Variants in ANK2 observed in about 807,000 individuals in gnomAD.
ANK2 encodes ankyrin 2, also known as ankyrin-2.
In ANK2, 83 loss-of-function variants were observed where a neutral mutation model predicts 360.5. That is an observed-to-expected ratio of 0.23 (90% CI 0.19 to 0.28). The LOEUF (loss-of-function observed/expected upper bound fraction) is 0.28, where lower values mean the gene tolerates loss of function less well. ANK2 is among the 10% of genes least tolerant of loss of function. The probability of loss-of-function intolerance (pLI) is 1.00; values close to 1 mark genes in which losing one functional copy is unlikely to be tolerated. For synonymous variants in ANK2, 1,740 were observed against 1,759.5 expected, an observed-to-expected ratio of 0.99 and a Z score of 0.28; for missense variants, 4,201 against 4,795.7, an observed-to-expected ratio of 0.88 and a Z score of 3.66.
At chr4:112,924,536 C>T (rs1303113638) in intron 2 of ANK2, among the ~76,000 whole-genome samples, 1 of 151,762 alleles carries the variant, frequency 6.6e-6, no homozygotes, top group Non-Finnish European at 1.5e-5. Flanking sequence ...ATTTAGAAAA[C>T]AATAAAATAT....
intron 1 of ANK2, among the ~76,000 whole-genome samples, chr4:112,837,868 C>T (rs1215118855): frequency 1.3e-5 from 2 of 152,220 alleles, no homozygotes; most frequent in African/African-American, 4.8e-5. Context: ...TTTACAGGCT[C>T]ATAGGCAGAA....
intron 2 of ANK2, among the ~76,000 whole-genome samples, chr4:113,175,500 CCT>C (rs1331269941): frequency 6.6e-6 from 1 of 152,170 alleles, no homozygotes; most frequent in Non-Finnish European, 1.5e-5. Flanking sequence ...GCCCAGCACT[CCT>C]CTCTTTGTTC....
intron 2 of ANK2, among the ~76,000 whole-genome samples, chr4:113,188,988 A>G (rs928810888): frequency 6.6e-6 from 1 of 152,174 alleles, no homozygotes; most frequent in Non-Finnish European, 1.5e-5. Context: ...ATTGAAGTGC[A>G]CCTTTTTTGT....
At chr4:113,252,784 A>G in intron 10 of ANK2, among the ~76,000 whole-genome samples, 1 of 152,152 alleles carries the variant, frequency 6.6e-6, no homozygotes, top group Non-Finnish European at 1.5e-5. Context: ...TACTACCTGC[A>G]TTTCACTCAA....
At chr4:112,797,097 A>G in the ANK2 span, 1 of 204,834 alleles carries the variant, frequency 4.9e-6, no homozygotes, top group South Asian at 9.9e-5. Flanking sequence ...TCTGATCCCA[A>G]CGAATTAAAT....
At chr4:112,811,476 T>C in the ANK2 span, among the ~76,000 whole-genome samples, 2 of 152,204 alleles carry the variant, frequency 1.3e-5, no homozygotes, top group Non-Finnish European at 2.9e-5. Flanking sequence ...TGTGTTACTT[T>C]TTATGATATT....
intron 20 of ANK2, among the ~76,000 whole-genome samples, chr4:113,290,692 T>G (rs986558156): frequency 6.6e-6 from 1 of 152,308 alleles, no homozygotes; most frequent in East Asian, 1.9e-4. Context: ...ATTGCTAAAA[T>G]TTTGAAAGCT....
Position 113,274,580 on chromosome 4 carries a change from C to T in ANK2, c.1614C>T (p.Ala538=), listed in dbSNP as rs2153688749. The T allele has an allele frequency of 5.0e-6, 8 of 1,614,186 alleles. No homozygotes were observed. The highest frequency in any genetic ancestry group is 6.8e-6 in the Non-Finnish European group (8 of 1,180,036). The stretch of plus-strand genomic sequence containing the variant: ...GGTACACACCACTGCACATCTCTGC[C>T]CGGGAGGGCCAGGTGGATGTGGCAT... ...TNGYTPLHIS[A]REGQVDVASV... The change falls in exon 15 of 46, where the codon GCC becomes GCT. Residue 538 remains alanine (A), a synonymous_variant. Coordinates refer to ENST00000357077, the MANE Select transcript of ANK2 (RefSeq NM_001148.6).
intron 2 of ANK2, among the ~76,000 whole-genome samples, chr4:113,001,261 G>T (rs2050539739): frequency 6.7e-6 from 1 of 150,218 alleles, no homozygotes; most frequent in African/African-American, 2.5e-5. Flanking sequence ...AACCTGGGAG[G>T]CGGAGGTTGC....
At chr4:113,362,863 G>A (rs116745113) in intron 39 of ANK2, among the ~76,000 whole-genome samples, 2,559 of 152,164 alleles carry the variant, frequency 0.017, 64 homozygotes, top group African/African-American at 0.055. Flanking sequence ...TCAAAGAAAG[G>A]CATTTATCCA....
At chr4:112,817,073 A>T (rs1019981898), upstream of ANK2, among the ~76,000 whole-genome samples, 2 of 152,214 alleles carry the variant, frequency 1.3e-5, no homozygotes, top group Non-Finnish European at 2.9e-5. Flanking sequence ...TTTTAGAATT[A>T]CATCATTTCT....
chr4:113,095,836 T>C (rs2090805800), intron 1 of ANK2, among the ~76,000 whole-genome samples: 1 of 152,214 alleles, frequency 6.6e-6, no homozygotes, highest in Non-Finnish European at 1.5e-5. Flanking sequence ...ATGTTTATAG[T>C]AGTTAACTGC....
intron 1 of ANK2, among the ~76,000 whole-genome samples, chr4:113,136,995 T>C (rs1465007291): frequency 1.3e-5 from 2 of 152,034 alleles, no homozygotes; most frequent in Non-Finnish European, 2.9e-5. Flanking sequence ...TGACCTCAAG[T>C]GATCCACCCG....
chr4:112,886,330 G>T (rs909325809), intron 1 of ANK2, among the ~76,000 whole-genome samples: 1 of 152,036 alleles, frequency 6.6e-6, no homozygotes, highest in Admixed American at 6.6e-5. Context: ...CACCAAAAAG[G>T]CCGCACTCCA....
intron 1 of ANK2, among the ~76,000 whole-genome samples, chr4:112,852,457 C>T (rs1191133127): frequency 1.3e-5 from 2 of 151,956 alleles, no homozygotes; most frequent in Non-Finnish European, 2.9e-5. Context: ...AATTCTTATA[C>T]ATTTTATGTC....
intron 23 of ANK2, among the ~76,000 whole-genome samples, chr4:113,310,991 C>A (rs976414727): frequency 6.6e-6 from 1 of 152,124 alleles, no homozygotes. Flanking sequence ...AAGTAAACAA[C>A]AAGGGATATC....
rs564648496 is a variant in ANK2 at position 113,350,231 on chromosome 4, G to A, written c.4408G>A (p.Asp1470Asn). 2.5e-6 allele frequency: 4 copies of A among 1,607,426 alleles called. No homozygotes were observed. Among genetic ancestry groups the A allele is most frequent in the East Asian group, 2.2e-5 (1 of 44,710 alleles). ...ATTTATGTATGTTTTCTTTCAGATC[G>A]ATATGACATCAGAAAAAAGTAAGAA... is the stretch of plus-strand genomic sequence containing the variant. The part of the protein sequence containing the change: ...ESDQEQEEEI[D>N]MTSEKNDETE... Residue 1470 changes from aspartate (D) to asparagine (N), a missense_variant, in exon 37 of 46, where the codon GAT (aspartate) becomes AAT (asparagine). Transcript: ENST00000357077.
intron 1 of ANK2, among the ~76,000 whole-genome samples, chr4:113,166,861 T>C (rs1017396514): frequency 1.1e-4 from 17 of 152,154 alleles, no homozygotes; most frequent in African/African-American, 3.9e-4. Flanking sequence ...TAATGCTATT[T>C]ATACAATATA....
At chr4:113,053,163 A>C (rs763292667) in intron 1 of ANK2, among the ~76,000 whole-genome samples, 13 of 152,186 alleles carry the variant, frequency 8.5e-5, no homozygotes, top group Non-Finnish European at 1.8e-4. Context: ...TATGTTCAAT[A>C]GGAGAACACT....
Sources: gnomAD v4.1 joint callset for allele counts (sites outside exome capture counted in the v4.1 genomes callset) on GRCh38, gnomAD v4.1.1 for gene constraint, MANE v1.5 for transcripts, NCBI Gene and HGNC (gene_info 2026-07-23, HGNC 2026-07-21) for gene names.